The following TSHZ2 variants were observed in gnomAD, a reference collection of about 807,000 sequenced individuals.
TSHZ2 encodes the protein teashirt zinc finger homeobox 2.
Under a neutral mutation model 74.4 loss-of-function variants are expected in TSHZ2, and 21 were observed. The ratio of observed to expected loss-of-function variants is 0.28; its 90% confidence interval spans 0.20 to 0.41. The LOEUF (loss-of-function observed/expected upper bound fraction) is 0.41. Among genes scored for constraint, TSHZ2 ranks in the 10% least tolerant of loss-of-function variants. TSHZ2 has a pLI of 1.00. For missense variants in TSHZ2, 1,244 were observed against 1,293.5 expected (o/e 0.96, Z 0.59); for synonymous variants, 540 against 515.3 (o/e 1.05, Z -0.65).
chr20:53,322,102 C>G (rs749364847), intron 2 of TSHZ2, among the ~76,000 whole-genome samples: 1 of 152,152 alleles, frequency 6.6e-6, no homozygotes, highest in Non-Finnish European at 1.5e-5. Flanking sequence ...AAAGGACAAC[C>G]TCTCTGGGAC....
chr20:52,996,350 T>A (rs868542643), intron 1 of TSHZ2, among the ~76,000 whole-genome samples: 37 of 142,866 alleles, frequency 2.6e-4, no homozygotes, highest in African/African-American at 8.1e-4. Context: ...TTTATTTATT[T>A]ATTAGGCAAA....
intron 2 of TSHZ2, among the ~76,000 whole-genome samples, chr20:53,345,558 C>A (rs771433929): frequency 1.3e-5 from 2 of 152,112 alleles, no homozygotes; most frequent in Non-Finnish European, 2.9e-5. Context: ...TTGTGAGGAA[C>A]TACTTCACTC....
At chr20:53,323,848 G>A (rs1327924759) in intron 2 of TSHZ2, among the ~76,000 whole-genome samples, 1 of 152,040 alleles carries the variant, frequency 6.6e-6, no homozygotes, top group Non-Finnish European at 1.5e-5. Flanking sequence ...AAAGTGCTGG[G>A]ATTATAGGCC....
chr20:53,031,343 T>C (rs1983629484), intron 1 of TSHZ2, among the ~76,000 whole-genome samples: 1 of 152,106 alleles, frequency 6.6e-6, no homozygotes, highest in South Asian at 2.1e-4. Context: ...CACCCACAAA[T>C]TATAGGAGGC....
At chr20:52,989,854 T>C (rs1161672687) in intron 1 of TSHZ2, among the ~76,000 whole-genome samples, 1 of 151,944 alleles carries the variant, frequency 6.6e-6, no homozygotes, top group Non-Finnish European at 1.5e-5. Flanking sequence ...ATTTTGTAAT[T>C]TTTTTTCCTT....
chr20:53,034,781 G>T (rs1013859964), intron 1 of TSHZ2, among the ~76,000 whole-genome samples: 4 of 152,164 alleles, frequency 2.6e-5, no homozygotes, highest in Admixed American at 6.5e-5. Flanking sequence ...ACAATGAAGA[G>T]AATGGCCCAT....
chr20:53,194,579 C>A (rs989927672), intron 1 of TSHZ2, among the ~76,000 whole-genome samples: 5 of 152,182 alleles, frequency 3.3e-5, no homozygotes, highest in Admixed American at 6.5e-5. Context: ...TCCCCTTAAC[C>A]CTTTAGGGGT....
intron 1 of TSHZ2, among the ~76,000 whole-genome samples, chr20:53,046,212 AG>A (rs1273949831): frequency 6.6e-6 from 1 of 152,182 alleles, no homozygotes; most frequent in Non-Finnish European, 1.5e-5. Context: ...CGCAAGCTCT[AG>A]CCTTGAACCC....
intron 1 of TSHZ2, among the ~76,000 whole-genome samples, chr20:53,239,894 A>C (rs1387117835): frequency 6.6e-6 from 1 of 152,190 alleles, no homozygotes; most frequent in Non-Finnish European, 1.5e-5. Context: ...TTTGTAAAGT[A>C]ACGGCTATAC....
intron 2 of TSHZ2, chr20:53,455,308 T>C (rs1985014561): frequency 6.6e-6 from 1 of 152,226 alleles, no homozygotes; most frequent in Non-Finnish European, 1.5e-5. Flanking sequence ...CTCCTCCCTC[T>C]GGAATGCAAA....
At chr20:53,106,371 C>CTAGGGCCT (rs1986365203) in intron 1 of TSHZ2, among the ~76,000 whole-genome samples, 1 of 132,104 alleles carries the variant, frequency 7.6e-6, no homozygotes, top group African/African-American at 2.8e-5. Context: ...ATTATTTCCT[C>CTAGGGCCT]TAGGGCCTTC....
At chr20:53,005,636 A>G (rs1982614526) in intron 1 of TSHZ2, among the ~76,000 whole-genome samples, 1 of 152,222 alleles carries the variant, frequency 6.6e-6, no homozygotes, top group Non-Finnish European at 1.5e-5. Flanking sequence ...GATCTGTCCT[A>G]GGCAAGGCCC....
intron 1 of TSHZ2, among the ~76,000 whole-genome samples, chr20:53,246,539 C>G (rs1990210298): frequency 6.6e-6 from 1 of 152,178 alleles, no homozygotes; most frequent in African/African-American, 2.4e-5. Context: ...CATGACCTCT[C>G]TCTCCAAAAC....
At chr20:53,238,016 G>C (rs1264175805) in intron 1 of TSHZ2, among the ~76,000 whole-genome samples, 2 of 152,136 alleles carry the variant, frequency 1.3e-5, no homozygotes, top group African/African-American at 2.4e-5. Context: ...TCTGGCTTTG[G>C]AAGGGAATAT....
rs181463250 is a variant in TSHZ2, at chr20:53,001,764, A to G, written c.40+28431A>G. Reference sequence around the variant, plus strand: ...CTTGTTTAAAAGTGTGTGACATTTCAGGAAGGTTTAACGTTACGTATGTCT... The same window carrying G: ...CTTGTTTAAAAGTGTGTGACATTTCGGGAAGGTTTAACGTTACGTATGTCT... On this transcript the variant is annotated intron_variant, in intron 1 of 2. Coordinates refer to ENST00000371497, the MANE Select transcript of TSHZ2 (RefSeq NM_173485.6). Among the ~76,000 whole-genome samples the G allele has an allele frequency of 4.5e-4, 69 of 152,342 alleles. No homozygotes were observed. In the Middle Eastern group the frequency reaches 0.01, roughly 23 times the overall value.
At chr20:52,985,791 G>T (rs1387636415) in intron 1 of TSHZ2, among the ~76,000 whole-genome samples, 1 of 152,156 alleles carries the variant, frequency 6.6e-6, no homozygotes, top group Non-Finnish European at 1.5e-5. Context: ...TACGGGGAAA[G>T]GTTAGAGAGC....
chr20:53,221,109 C>T (rs1483359805), intron 1 of TSHZ2, among the ~76,000 whole-genome samples: 1 of 152,178 alleles, frequency 6.6e-6, no homozygotes, highest in Non-Finnish European at 1.5e-5. Flanking sequence ...CTCATGAGAT[C>T]TGACGGTTTT....
At chr20:52,973,425 T>C (rs1481919203) in intron 1 of TSHZ2, 92 bp downstream of exon 1, 2 of 1,498,782 alleles carry the variant, frequency 1.3e-6, no homozygotes, top group Non-Finnish European at 1.8e-6. Flanking sequence ...CACCACCCAC[T>C]TAAGCTTTCG....
intron 1 of TSHZ2, among the ~76,000 whole-genome samples, chr20:53,062,485 T>C (rs1325721612): frequency 1.3e-5 from 2 of 152,194 alleles, no homozygotes; most frequent in Non-Finnish European, 2.9e-5. Context: ...ATTTAAGTGT[T>C]TACAAGTGTT....
Sources: gnomAD v4.1 joint callset for allele counts (sites outside exome capture counted in the v4.1 genomes callset) on GRCh38, gnomAD v4.1.1 for gene constraint, MANE v1.5 for transcripts, NCBI Gene and HGNC (gene_info 2026-07-23, HGNC 2026-07-21) for gene names.